COL6A1: variants seen among roughly 807,000 people sequenced by gnomAD.
COL6A1 encodes collagen type VI alpha 1 chain.
Under a neutral mutation model 145.6 loss-of-function variants are expected in COL6A1, and 80 were observed. The observed-to-expected ratio is 0.55, with a 90% confidence interval of 0.46 to 0.66. COL6A1 has a LOEUF of 0.66. Ranked by LOEUF, COL6A1 falls within the 30% of genes least tolerant of loss-of-function variation. The pLI is 0.00. For synonymous variants in COL6A1, 638 were observed against 622.8 expected (o/e 1.02, Z -0.36); for missense variants, 1,364 against 1,473.8 (o/e 0.93, Z 1.22).
At chr21:45,999,751 G>T in intron 27 of COL6A1, 59 bp downstream of exon 27, 3 of 1,550,910 alleles carry the variant, frequency 1.9e-6, no homozygotes, top group South Asian at 1.1e-5. Flanking sequence ...ATCCCTTGGG[G>T]TGTGGGTCCT....
At chr21:45,981,971 G>A in intron 1 of COL6A1, 24 bp downstream of exon 1, 1 of 1,558,348 alleles carries the variant, frequency 6.4e-7, no homozygotes, top group Non-Finnish European at 8.8e-7. Context: ...TGGGGTGCAG[G>A]CTCCAGACCC....
At chr21:45,987,310 C>T (rs1358975082) in intron 6 of COL6A1, 135 bp downstream of exon 6, 38 of 1,510,162 alleles carry the variant, frequency 2.5e-5, no homozygotes, top group Admixed American at 3.4e-5. Flanking sequence ...CGTGTCTGCC[C>T]GTGTGCCCGG....
At chr21:46,000,148 G>A (rs1253778604) in intron 27 of COL6A1, among the ~76,000 whole-genome samples, 183 bp from the exon 28 acceptor site, 3 of 151,180 alleles carry the variant, frequency 2.0e-5, no homozygotes, top group Admixed American at 2.0e-4. Flanking sequence ...CTATGACCAC[G>A]TCAGGGGTCC....
At chr21:45,998,565 GC>G (rs2077820087) in intron 24 of COL6A1, 132 bp downstream of exon 24, 1 of 1,255,178 alleles carries the variant, frequency 8.0e-7, no homozygotes, top group Non-Finnish European at 1.1e-6. Context: ...ACCCACGGCT[GC>G]CCCACTGTCT....
chr21:45,986,026 C>T (rs575058921), intron 3 of COL6A1, among the ~76,000 whole-genome samples: 7 of 152,350 alleles, frequency 4.6e-5, no homozygotes, highest in South Asian at 2.1e-4. Flanking sequence ...GACTGCCCTG[C>T]GATACTGCCC....
At chr21:45,990,511 CCG>C in intron 13 of COL6A1, 89 bp downstream of exon 13, 2 of 308,112 alleles carry the variant, frequency 6.5e-6, no homozygotes, top group East Asian at 8.6e-5. Context: ...TGAAGGTGAC[CCG>C]GGGAGGGATG....
chr21:45,989,737 C>T lies in COL6A1; in HGVS notation c.904-15C>T, dbSNP rs1222099495. 6.2e-6 allele frequency: 10 copies of T among 1,613,090 alleles called. No homozygotes were observed. Among genetic ancestry groups the T allele is most frequent in the Non-Finnish European group, 4.2e-6 (5 of 1,180,022 alleles). ...AACAAGCCTTCCTCTTCCTCTTCTT[C>T]CGCTGGGTGTGTAGGGAGAAAAAGG... is the stretch of plus-strand genomic sequence containing the variant. On this transcript the variant is annotated splice_polypyrimidine_tract_variant and intron_variant, in intron 10 of 34. Coordinates refer to ENST00000361866, the MANE Select transcript of COL6A1 (RefSeq NM_001848.3).
At position 46,002,386 on chromosome 21, in the gene COL6A1, C is replaced by T. The variant is rs1383597841; in HGVS notation, c.2235C>T (p.Cys745=). 6.3e-7 allele frequency: 1 copy of T among 1,598,856 alleles called. No individual in the cohort carries two copies. The highest frequency in any genetic ancestry group is 1.7e-4 in the Middle Eastern group (1 of 6,040). Residue 745 remains cysteine, a synonymous_variant, in exon 32 of 35, where the codon TGC becomes TGT. Coordinates refer to ENST00000361866, the MANE Select transcript of COL6A1 (RefSeq NM_001848.3). The part of the protein sequence containing the change: ...QRDTTPLNVL[C]SPGIQVVSVG... ...ACACCACACCGCTCAACGTGCTCTG[C>T]AGCCCCGGCATCCAGGTGGGGTGGC...
rs1352335715 is a variant in COL6A1, at chr21:45,994,191, C to G, written c.1360C>G (p.Gln454Glu). Residue 454 changes from glutamine to glutamate, a missense_variant, in exon 20 of 35, where the codon CAG becomes GAG. By Grantham distance (29) the Gln-to-Glu change is conservative. Transcript: ENST00000361866. This position sits in a 1 kb window ranked among gnomAD's most constrained non-coding sequence, Gnocchi z 6.8. ...DPGEAGPQGD[Q>E]GREGPVGVPG... is the part of the protein sequence containing the mutation. ...GGGTGAAGCTGGCCCGCAGGGTGAT[C>G]AGGGAAGAGAAGGCCCCGTTGGTGT... 6.2e-7 allele frequency: 1 copy of G among 1,607,816 alleles called. No homozygotes were observed. The highest frequency in any genetic ancestry group is 8.5e-7 in the Non-Finnish European group (1 of 1,177,866).
At position 46,004,228 on chromosome 21, in the gene COL6A1, C is replaced by T. The variant is rs1208577614; in HGVS notation, c.*215C>T. 1.6e-6 allele frequency: 1 copy of T among 640,496 alleles called. No individual in the cohort carries two copies. The highest frequency in any genetic ancestry group is 2.8e-5 in the East Asian group (1 of 36,164). 39.7% of individuals were successfully genotyped at this position (640,496 alleles called of 1,614,324 possible). ...GTTGGCATCACCTGCGCAGGGCCCT[C>T]TGGGGCTCAGCCCTGAGCTAGTGTC... is the stretch of plus-strand genomic sequence containing the variant. On this transcript the variant is annotated 3_prime_UTR_variant, in exon 35 of 35. Coordinates refer to ENST00000361866, the MANE Select transcript of COL6A1 (RefSeq NM_001848.3).
rs1052913844 is a variant in COL6A1 at position 46,001,091 on chromosome 21, C to T, written c.1823-162C>T. ...CAGCCGCCGGACAGAGCAGCCTTTA[C>T]GGGGCCATGGGAGGGGGTGGGCTTT... On this transcript the variant is annotated intron_variant, in intron 29 of 34. Transcript: ENST00000361866. 2.0e-5 allele frequency: 20 copies of T among 1,009,104 alleles called. No homozygotes were observed. The African/African-American group carries it at 2.4e-4, about 12-fold the overall frequency. 62.5% of individuals were successfully genotyped at this position (1,009,104 alleles called of 1,614,324 possible).
Position 45,982,682 on chromosome 21 carries a change from C to T in COL6A1, c.146C>T (p.Ala49Val). 6.2e-7 allele frequency: 1 copy of T among 1,612,872 alleles called. No individual in the cohort carries two copies. Among genetic ancestry groups the T allele is most frequent in the Non-Finnish European group, 8.5e-7 (1 of 1,179,968 alleles). ...FFVLDTSESV[A>V]LRLKPYGALV... ...GTGCTGGACACCTCTGAGAGCGTGG[C>T]CCTGAGGCTGAAGCCCTACGGGGCC... The change falls in exon 2 of 35, where the codon GCC becomes GTC. Residue 49 changes from alanine (A) to valine (V), a missense_variant. Physicochemically the swap from Ala to Val is moderately conservative, Grantham distance 64 (BLOSUM62 0). Coordinates refer to ENST00000361866, the MANE Select transcript of COL6A1 (RefSeq NM_001848.3).
intron 11 of COL6A1, 148 bp from the exon 12 acceptor site, chr21:45,990,110 A>C (rs1300716819): frequency 9.1e-7 from 1 of 1,093,488 alleles, no homozygotes; most frequent in Non-Finnish European, 1.4e-6. Context: ...GCCCCTCCCC[A>C]TCACTGTCAG....
intron 15 of COL6A1, 58 bp downstream of exon 15, chr21:45,991,099 T>C: frequency 6.4e-7 from 1 of 1,574,130 alleles, no homozygotes; most frequent in East Asian, 2.2e-5. Flanking sequence ...AAGCGCTGAA[T>C]TGGAAACCTC....
intron 11 of COL6A1, among the ~76,000 whole-genome samples, chr21:45,990,009 G>A (rs972224882): frequency 1.0e-4 from 1 of 9,594 alleles, no homozygotes; most frequent in African/African-American, 3.5e-4. Flanking sequence ...GGGGTCCCCC[G>A]GGCGGTTACC....
chr21:45,985,924 G>A (rs1569517829), intron 3 of COL6A1, among the ~76,000 whole-genome samples: 1 of 152,202 alleles, frequency 6.6e-6, no homozygotes, highest in Non-Finnish European at 1.5e-5. Context: ...ACGTCAGAGT[G>A]CGGCCCCCTG....
At chr21:45,985,899 G>A (rs1319761737) in intron 3 of COL6A1, among the ~76,000 whole-genome samples, 2 of 152,206 alleles carry the variant, frequency 1.3e-5, no homozygotes, top group Non-Finnish European at 1.5e-5. Context: ...GGGTGCATGG[G>A]GGATGTGGCC....
Position 45,990,995 on chromosome 21 carries a change from C to T in COL6A1, c.1073C>T (p.Pro358Leu). The change falls in exon 15 of 35, where the codon CCT (proline) becomes CTT (leucine). Residue 358 changes from proline to leucine, a missense_variant. Pro to Leu is a moderately conservative substitution (Grantham distance 98). Transcript: ENST00000361866. ...SPGFDGIQGP[P>L]GPKGDPGAFG... is the part of the protein sequence containing the mutation. ...TTTCTCCAGGGCATTCAAGGACCCC[C>T]TGGCCCCAAGGGAGACCCCGGTGCC... 3 of 1,613,444 alleles carry T rather than the reference C, an allele frequency of 1.9e-6. No individual in the cohort carries two copies. Among genetic ancestry groups the T allele is most frequent in the Non-Finnish European group, 2.5e-6 (3 of 1,179,928 alleles).
In COL6A1 at chr21:45,987,489, C is replaced by T. The variant is rs886044087; in HGVS notation, c.739-10C>T. The T allele has an allele frequency of 1.9e-6, 3 of 1,612,888 alleles. 1 individual carries two copies. The African/African-American group carries it at 4.0e-5, about 21-fold the overall frequency. Reference sequence around the variant, plus strand: ...TCCCACTGACTCGTCTCCATGCTTTCCCCCCACAGTGCTGCTCCTTCGAAT... The same window carrying T: ...TCCCACTGACTCGTCTCCATGCTTTTCCCCCACAGTGCTGCTCCTTCGAAT... On this transcript the variant is annotated splice_polypyrimidine_tract_variant and intron_variant, in intron 6 of 34. Transcript: ENST00000361866.
Sources: allele counts gnomAD v4.1 joint callset (sites outside exome capture counted in the v4.1 genomes callset), GRCh38; gene constraint gnomAD v4.1.1; non-coding constraint Gnocchi (gnomAD v3.1); transcripts MANE v1.5; gene names NCBI Gene and HGNC (gene_info 2026-07-23, HGNC 2026-07-21).